Variants in FRMD4A observed in about 807,000 individuals in gnomAD.
The protein encoded by FRMD4A is FERM domain containing 4A, also known as FERM domain-containing protein 4A.
A neutral mutation model predicts 129.1 loss-of-function variants in FRMD4A; 29 were observed. That is an observed-to-expected ratio of 0.22 (90% CI 0.17 to 0.31). The LOEUF is 0.31. Among genes scored for constraint, FRMD4A ranks in the 10% least tolerant of loss-of-function variants. The pLI, the probability that FRMD4A is intolerant of heterozygous loss-of-function variation, is 1.00. For missense variants in FRMD4A, 1,272 were observed against 1,375.8 expected (o/e 0.92, Z 1.19); for synonymous variants, 634 against 571.6 (o/e 1.11, Z -1.56).
At chr10:13,969,448 G>T (rs2095504784) in intron 2 of FRMD4A, among the ~76,000 whole-genome samples, 1 of 152,216 alleles carries the variant, frequency 6.6e-6, no homozygotes. Flanking sequence ...CTTTTTCCAG[G>T]CCCGGTGGCC....
At chr10:14,270,910 A>C (rs887625563) in intron 2 of FRMD4A, among the ~76,000 whole-genome samples, 2 of 152,200 alleles carry the variant, frequency 1.3e-5, no homozygotes, top group Admixed American at 1.3e-4. Context: ...GCAAAGATAC[A>C]CTTGAGACTG....
At chr10:14,047,102 T>C (rs911088721) in intron 2 of FRMD4A, among the ~76,000 whole-genome samples, 1 of 152,220 alleles carries the variant, frequency 6.6e-6, no homozygotes, top group Non-Finnish European at 1.5e-5. Context: ...ACAATTTTGA[T>C]GACTCTTGTG....
At chr10:13,911,071 T>C (rs971688678) in intron 2 of FRMD4A, among the ~76,000 whole-genome samples, 2 of 152,200 alleles carry the variant, frequency 1.3e-5, no homozygotes, top group South Asian at 2.1e-4. Flanking sequence ...TTCAAACTCA[T>C]AGATGAATTA....
At chr10:13,683,946 G>A (rs1247707272) in intron 15 of FRMD4A, 1 of 152,070 alleles carries the variant, frequency 6.6e-6, no homozygotes. Context: ...CTGACCTCAA[G>A]TGATCTGCCC....
chr10:13,834,344 C>G (rs1037647879), intron 3 of FRMD4A, among the ~76,000 whole-genome samples: 15 of 152,120 alleles, frequency 9.9e-5, no homozygotes, highest in Non-Finnish European at 2.2e-4. Context: ...AAAAAACAAG[C>G]AGCCAGGCAG....
intron 2 of FRMD4A, among the ~76,000 whole-genome samples, chr10:14,272,190 G>A (rs1286519244): frequency 1.3e-5 from 2 of 152,138 alleles, no homozygotes; most frequent in South Asian, 2.1e-4. Context: ...CCAGCTTGCA[G>A]TTATGCCATT....
At chr10:14,236,995 CAAAAAAAAAA>C (rs71477244) in intron 2 of FRMD4A, among the ~76,000 whole-genome samples, 1,662 of 75,414 alleles carry the variant, frequency 0.022, 38 homozygotes, top group African/African-American at 0.072. Flanking sequence ...AACAGGTCAG[CAAAAAAAAAA>C]AAAAAAAAAA....
In FRMD4A at chr10:13,847,622, C is replaced by T. The variant is rs2094071911; in HGVS notation, c.111+11225G>A. 2.0e-5 allele frequency among the ~76,000 whole-genome samples: 3 copies of T among 152,114 alleles called. No homozygotes were observed. In the South Asian group the frequency reaches 6.2e-4, roughly 32 times the overall value. ...CTGCCTCCTCATGTCCTCCTGGATC[C>T]CCTTACAAGAAAGGACAGGGTCCAG... On this transcript the variant is annotated intron_variant, in intron 3 of 24. Transcript: ENST00000357447.
At chr10:14,078,325 C>A (rs949794650) in intron 2 of FRMD4A, among the ~76,000 whole-genome samples, 4 of 152,208 alleles carry the variant, frequency 2.6e-5, no homozygotes, top group African/African-American at 9.7e-5. Context: ...ATCTCCAAAC[C>A]AACCAAATGG....
chr10:14,031,190 AG>A (rs1228962707), intron 2 of FRMD4A, among the ~76,000 whole-genome samples: 3 of 152,186 alleles, frequency 2.0e-5, no homozygotes, highest in Non-Finnish European at 2.9e-5. Context: ...GGACTTTCTA[AG>A]GCATTTGTTT....
chr10:14,250,116 A>C (rs1844385108), intron 2 of FRMD4A, among the ~76,000 whole-genome samples: 21 of 152,030 alleles, frequency 1.4e-4, no homozygotes, highest in Admixed American at 1.4e-3. Flanking sequence ...GCGTGCTACC[A>C]CGCCTGGCTA....
At chr10:14,022,391 A>G (rs563621006) in intron 2 of FRMD4A, among the ~76,000 whole-genome samples, 4 of 152,326 alleles carry the variant, frequency 2.6e-5, no homozygotes, top group South Asian at 2.1e-4. Flanking sequence ...GGAACTCACA[A>G]TGGGAAATTA....
Position 13,645,375 on chromosome 10 carries a change from C to T in FRMD4A, c.*1663G>A, listed in dbSNP as rs2081062119. The T allele has an allele frequency of 6.6e-6, 1 of 152,432 alleles. No individual in the cohort carries two copies. Among genetic ancestry groups the T allele is most frequent in the South Asian group, 2.1e-4 (1 of 4,798 alleles). 9.4% of individuals were successfully genotyped at this position (152,432 alleles called of 1,614,324 possible). On this transcript the variant is annotated 3_prime_UTR_variant, in exon 25 of 25. Transcript: ENST00000357447. ...AAATTCCACCCCCACCCCATCCCCC[C>T]ACCACTTGCGCCAAAAGCACAGCAT...
At chr10:14,222,503 G>C (rs1456575543) in intron 2 of FRMD4A, among the ~76,000 whole-genome samples, 1 of 152,130 alleles carries the variant, frequency 6.6e-6, no homozygotes, top group Non-Finnish European at 1.5e-5. Context: ...GAGAGAGAGA[G>C]AGAAATAGAG....
At position 13,666,220 on chromosome 10, in the gene FRMD4A, T is replaced by C; in HGVS notation, c.1480A>G (p.Lys494Glu). ...TTCAGATACGAGGTTTTCCTTTGTT[T>C]CTTCAGTTTTTTGCTGACGTTGGGG... is the stretch of plus-strand genomic sequence containing the variant. ...SDPNVSKKLKKQRKTSYLNAL... is the reference protein window; with the variant it reads ...SDPNVSKKLKEQRKTSYLNAL... The change falls in exon 18 of 25, where the codon AAA becomes GAA. Residue 494 changes from lysine to glutamate, a missense_variant. By Grantham distance (56) the Lys-to-Glu change is moderately conservative. This residue lies in a region of FRMD4A where 972 missense variants were observed against 892.3 expected (regional missense o/e 1.09). Coordinates refer to ENST00000357447, the MANE Select transcript of FRMD4A (RefSeq NM_018027.5). The C allele has an allele frequency of 6.2e-7, 1 of 1,613,982 alleles. No individual in the cohort carries two copies. Among genetic ancestry groups the C allele is most frequent in the Non-Finnish European group, 8.5e-7 (1 of 1,179,818 alleles).
At chr10:14,053,460 G>A (rs1834359978) in intron 2 of FRMD4A, among the ~76,000 whole-genome samples, 1 of 152,150 alleles carries the variant, frequency 6.6e-6, no homozygotes, top group Non-Finnish European at 1.5e-5. Context: ...CAGCCCTGCT[G>A]ATCTACCCCC....
intron 2 of FRMD4A, among the ~76,000 whole-genome samples, chr10:14,270,707 C>A (rs897881708): frequency 6.6e-6 from 1 of 152,158 alleles, no homozygotes; most frequent in Non-Finnish European, 1.5e-5. Flanking sequence ...TTGGAAACTG[C>A]GACTTTAAGT....
intron 2 of FRMD4A, among the ~76,000 whole-genome samples, chr10:13,885,930 G>A (rs2094613931): frequency 1.3e-5 from 2 of 151,178 alleles, no homozygotes; most frequent in Admixed American, 6.6e-5. Flanking sequence ...TCTCTCTCTG[G>A]GCAACAGAGA....
chr10:14,242,256 G>C (rs1222190676), intron 2 of FRMD4A, among the ~76,000 whole-genome samples: 2 of 152,192 alleles, frequency 1.3e-5, no homozygotes, highest in Non-Finnish European at 2.9e-5. Flanking sequence ...AACGTCCAAA[G>C]ATGAGGGCTT....
Sources: gnomAD v4.1 joint callset for allele counts (sites outside exome capture counted in the v4.1 genomes callset) on GRCh38, gnomAD v4.1.1 for gene constraint, gnomAD v4.1.1 regional missense constraint, MANE v1.5 for transcripts, NCBI Gene and HGNC (gene_info 2026-07-23, HGNC 2026-07-21) for gene names.